Variants in TLE5 observed in about 807,000 individuals in gnomAD.
The protein encoded by TLE5 is TLE family member 5, transcriptional modulator.
TLE5 carries 7 observed loss-of-function variants against 25.8 expected under a neutral mutation model. The ratio of observed to expected loss-of-function variants is 0.27; its 90% CI spans 0.15 to 0.51. The LOEUF (loss-of-function observed/expected upper bound fraction) is 0.51. Among genes scored for constraint, TLE5 ranks in the 20% least tolerant of loss-of-function variants. The pLI is 0.97. For synonymous variants in TLE5, 132 were observed against 110.5 expected (o/e 1.20, Z -1.22); for missense variants, 149 against 250.7 (o/e 0.59, Z 2.74).
rs1415894203 is a variant in TLE5, at chr19:3,062,459, C to G, written c.-259G>C. ...GCCGCCCGCCTCCCCGCTCCCCGGC[C>G]CCACCGCTATTGTCTAATGGCGGCG... On this transcript the variant is annotated 5_prime_UTR_variant, in exon 1 of 7. Transcript: ENST00000327141. 2.9e-6 allele frequency: 2 copies of G among 689,040 alleles called. No individual in the cohort carries two copies. Among genetic ancestry groups the G allele is most frequent in the Non-Finnish European group, 3.6e-6 (2 of 561,962 alleles). The allele number at this position is 689,040 out of a possible 1,614,324, so 42.7% of individuals were successfully genotyped here.
At chr19:3,057,460 C>CTG in intron 3 of TLE5, 1 of 561,562 alleles carries the variant, frequency 1.8e-6, no homozygotes, top group Admixed American at 3.1e-5. Context: ...CGGTCTGCAA[C>CTG]CCGGCGGTTT....
intron 2 of TLE5, 88 bp from the exon 3 acceptor site, chr19:3,057,830 G>T: frequency 7.9e-7 from 1 of 1,267,462 alleles, no homozygotes; most frequent in Non-Finnish European, 1.1e-6. Context: ...GGAAACTGAG[G>T]CTCCAAGTCC....
chr19:3,054,086 T>TCGGGGGGGGGGGGCCCC, intron 6 of TLE5, 34 bp downstream of exon 6: 40 of 1,512,534 alleles, frequency 2.6e-5, no homozygotes, highest in African/African-American at 4.2e-5. Context: ...GGCCCACCTG[T>TCGGGGGGGGGGGGCCCC]CCCCCGCCCA....
Position 3,053,300 on chromosome 19 carries a change from G to A in TLE5, c.*519C>T, listed in dbSNP as rs1475917692. ...TGGGAGAGGACCAGGTGGGCGTGGA[G>A]GTGTCTGGAACTAGCAGAGGTGGTG... On this transcript the variant is annotated 3_prime_UTR_variant, in exon 7 of 7. Transcript: ENST00000327141. The A allele has an allele frequency of 6.4e-6, 1 of 156,974 alleles. No individual in the cohort carries two copies. Among genetic ancestry groups the A allele is most frequent in the Non-Finnish European group, 1.4e-5 (1 of 71,002 alleles). 9.7% of individuals were successfully genotyped at this position (156,974 alleles called of 1,614,324 possible). A position where few individuals can be genotyped will look rare whatever the true frequency, so the allele number is the denominator to read the frequency against.
In TLE5 at chr19:3,062,248, G is replaced by C; in HGVS notation, c.-48C>G. 13 of 1,076,882 alleles carry C rather than the reference G, an allele frequency of 1.2e-5. No homozygotes were observed. The highest frequency in any genetic ancestry group is 1.5e-5 in the Non-Finnish European group (13 of 887,954). The allele number at this position is 1,076,882 out of a possible 1,614,324, so 66.7% of individuals were successfully genotyped here. On this transcript the variant is annotated 5_prime_UTR_variant, in exon 1 of 7. Transcript: ENST00000327141. ...GGCTGCGCCCCGGCTGTGCGCCCCG[G>C]CTCGGGCTGCTGGGGGCGCCGGGCG...
At chr19:3,055,802 G>A in intron 4 of TLE5, 76 bp from the exon 5 acceptor site, 3 of 1,473,612 alleles carry the variant, frequency 2.0e-6, no homozygotes, top group Non-Finnish European at 2.7e-6. Flanking sequence ...GGCCTGCGCG[G>A]GGCCCGGCCC....
In TLE5 at chr19:3,061,166, T is replaced by A. The variant is rs1053551362; in HGVS notation, c.119A>T (p.Tyr40Phe). ...CCCCAGTCCCCCAGCTCACCTGTGG[T>A]ACTGAGCTTGCAGTAGCTGAAATTC... Reference protein sequence around the residue: ...KDEFQLLQAQYHSLKLECDKL... With the variant: ...KDEFQLLQAQFHSLKLECDKL... The change falls in exon 2 of 7, where the codon TAC becomes TTC. Residue 40 changes from tyrosine to phenylalanine, a missense_variant. Coordinates refer to ENST00000327141, the MANE Select transcript of TLE5 (RefSeq NM_001130.6). The A allele has an allele frequency of 6.2e-7, 1 of 1,610,560 alleles. No homozygotes were observed. Among genetic ancestry groups the A allele is most frequent in the Non-Finnish European group, 8.5e-7 (1 of 1,177,062 alleles).
chr19:3,062,558 G>A, upstream of TLE5: 1 of 799,204 alleles, frequency 1.3e-6, no homozygotes, highest in Non-Finnish European at 1.5e-6. Flanking sequence ...CCCCGTGCGC[G>A]CCGCCGAGGG....
In TLE5 at chr19:3,056,375, G is replaced by C; in HGVS notation, c.190-19C>G. On this transcript the variant is annotated intron_variant, in intron 3 of 6. Transcript: ENST00000327141. ...CGTAGTACTGTATGGGGGAGAGAGA[G>C]GGGGAGCGGGAGATGGGGGTGGGGA... 1.7e-6 allele frequency: 2 copies of C among 1,175,558 alleles called. No homozygotes were observed. Among genetic ancestry groups the C allele is most frequent in the Non-Finnish European group, 2.3e-6 (2 of 879,586 alleles). The allele number at this position is 1,175,558 out of a possible 1,614,324, so 72.8% of individuals were successfully genotyped here.
intron 3 of TLE5, 96 bp downstream of exon 3, chr19:3,057,583 G>T (rs749266780): frequency 8.2e-7 from 1 of 1,224,554 alleles, no homozygotes; most frequent in Non-Finnish European, 1.2e-6. Flanking sequence ...CAGGGGAGGT[G>T]GCCGGGGTTG....
intron 3 of TLE5, 96 bp downstream of exon 3, chr19:3,057,583 G>A (rs749266780): frequency 2.0e-5 from 25 of 1,224,560 alleles, no homozygotes; most frequent in Non-Finnish European, 2.5e-5. Context: ...CAGGGGAGGT[G>A]GCCGGGGTTG....
chr19:3,057,317 G>T (rs538808038), intron 3 of TLE5: 1 of 311,112 alleles, frequency 3.2e-6, no homozygotes, highest in Non-Finnish European at 6.2e-6. Context: ...GCGTGTGGAC[G>T]CTGGGACCTT....
rs1194324574 is a variant in TLE5 at position 3,061,267 on chromosome 19, T to TG, written c.28-11dup. 1 of 1,608,998 alleles carries TG rather than the reference T, an allele frequency of 6.2e-7. No homozygotes were observed. Among genetic ancestry groups the TG allele is most frequent in the Non-Finnish European group, 8.5e-7 (1 of 1,176,096 alleles). ...GTAGGTGCGAGGAGCCCTGTAGGGA[T>TG]GGGGCGGCCCGGGTCAGGCCCAGGC... On this transcript the variant is annotated splice_polypyrimidine_tract_variant and intron_variant, in intron 1 of 6. Transcript: ENST00000327141.
chr19:3,062,417 C>A lies in TLE5; in HGVS notation c.-217G>T. 1 of 746,486 alleles carries A rather than the reference C, an allele frequency of 1.3e-6. No individual in the cohort carries two copies. Among genetic ancestry groups the A allele is most frequent in the South Asian group, 5.8e-5 (1 of 17,242 alleles). 46.2% of individuals were successfully genotyped at this position (746,486 alleles called of 1,614,324 possible). On this transcript the variant is annotated 5_prime_UTR_variant, in exon 1 of 7. Coordinates refer to ENST00000327141, the MANE Select transcript of TLE5 (RefSeq NM_001130.6). ...CCCCGCTTCCTGCGCGCCCGGCGCC[C>A]CTCCCCGCCCCTCCCCGCCGCCCGC...
chr19:3,054,401 A>G (rs1263237752), intron 5 of TLE5: 3 of 599,502 alleles, frequency 5.0e-6, no homozygotes, highest in Non-Finnish European at 8.9e-6. Flanking sequence ...TCTGGCCAAC[A>G]GAGACAAATG....
Position 3,053,475 on chromosome 19 carries a change from T to G in TLE5, c.*344A>C. The G allele has an allele frequency of 5.7e-6, 2 of 350,728 alleles. No homozygotes were observed. Among genetic ancestry groups the G allele is most frequent in the East Asian group, 5.7e-5 (1 of 17,590 alleles). The allele number at this position is 350,728 out of a possible 1,614,324, so 21.7% of individuals were successfully genotyped here. A position where few individuals can be genotyped will look rare whatever the true frequency, so the allele number is the denominator to read the frequency against. On this transcript the variant is annotated 3_prime_UTR_variant, in exon 7 of 7. Transcript: ENST00000327141. ...CCAGGCAGACTGTCGGTTACACATG[T>G]TCAAAACGGGGGAAGGGCCGGGGCT...
chr19:3,054,086 T>TGGGGGGGGGGGGGGGGCCCC, intron 6 of TLE5, 34 bp downstream of exon 6: 1 of 1,512,816 alleles, frequency 6.6e-7, no homozygotes, highest in Non-Finnish European at 8.9e-7. Flanking sequence ...GGCCCACCTG[T>TGGGGGGGGGGGGGGGGCCCC]CCCCCGCCCA....
rs990199468 is a variant in TLE5, at chr19:3,060,328, C to CTTTTTTTTT, written c.125+823_125+831dup. Among the ~76,000 whole-genome samples, 90 of 93,196 alleles carry CTTTTTTTTT rather than the reference C, an allele frequency of 9.7e-4. 4 individuals are homozygous for CTTTTTTTTT. The highest frequency in any genetic ancestry group is 0.01 in the Middle Eastern group (1 of 100). 61.1% of individuals were successfully genotyped at this position (93,196 alleles called of 152,430 possible). ...TGGGCTTAAGTTTCTTTTTTTCTTTCTTTTTTTTTTTTTTTTTTTTTTTTG... is the reference window on the plus strand; with the variant it reads ...TGGGCTTAAGTTTCTTTTTTTCTTTCTTTTTTTTTTTTTTTTTTTTTTTTTTTTTTTTTG... On this transcript the variant is annotated intron_variant, in intron 2 of 6. Coordinates refer to ENST00000327141, the MANE Select transcript of TLE5 (RefSeq NM_001130.6).
Position 3,058,989 on chromosome 19 carries a change from G to A in TLE5, c.126-1247C>T, listed in dbSNP as rs1185193424. Among the ~76,000 whole-genome samples the A allele has an allele frequency of 3.9e-5, 6 of 152,122 alleles. No individual in the cohort carries two copies. The East Asian group carries it at 9.6e-4, about 24-fold the overall frequency. ...TCTGTGAGGTACCACTAACAACCTC[G>A]CAGGGTGGGGTGGAGAAGAGTCAAT... On this transcript the variant is annotated intron_variant, in intron 2 of 6. Coordinates refer to ENST00000327141, the MANE Select transcript of TLE5 (RefSeq NM_001130.6).
Sources: allele counts gnomAD v4.1 joint callset (sites outside exome capture counted in the v4.1 genomes callset), GRCh38; gene constraint gnomAD v4.1.1; transcripts MANE v1.5; gene names NCBI Gene and HGNC (gene_info 2026-07-23, HGNC 2026-07-21).